NLGN1: variants seen among roughly 807,000 people sequenced by gnomAD.
NLGN1 encodes neuroligin 1.
A neutral mutation model predicts 65.5 loss-of-function variants in NLGN1; 12 were observed. The observed-to-expected ratio is 0.18, with a 90% CI of 0.12 to 0.30. The LOEUF (loss-of-function observed/expected upper bound fraction) is 0.30. Ranked by LOEUF, NLGN1 falls within the 10% of genes least tolerant of loss-of-function variation. The pLI is 1.00. For synonymous variants in NLGN1, 350 were observed against 359.5 expected, an observed-to-expected ratio of 0.97 and a Z score of 0.30; for missense variants, 750 against 1,007.1, an observed-to-expected ratio of 0.74 and a Z score of 3.46.
rs190261947 is a variant in NLGN1 at position 173,836,638 on chromosome 3, T to G, written c.646+28806T>G. Among the ~76,000 whole-genome samples the G allele has an allele frequency of 1.2e-4, 18 of 152,290 alleles. No homozygotes were observed. The East Asian group carries it at 3.3e-3, about 28-fold the overall frequency. ...TTGTTGATGTTGTTAGTTTCACACTTAAATGTGGTATTATGATTCCTGAAA... is the reference window on the plus strand; with the variant it reads ...TTGTTGATGTTGTTAGTTTCACACTGAAATGTGGTATTATGATTCCTGAAA... On this transcript the variant is annotated intron_variant, in intron 4 of 6. Coordinates refer to ENST00000457714, the Ensembl canonical transcript of NLGN1.
At chr3:174,131,679 A>G (rs1174031876) in intron 4 of NLGN1, among the ~76,000 whole-genome samples, 1 of 152,184 alleles carries the variant, frequency 6.6e-6, no homozygotes, top group Non-Finnish European at 1.5e-5. Context: ...CTTAGCATTG[A>G]AGGACTCAAA....
At chr3:173,489,769 T>G (rs1728795655) in intron 2 of NLGN1, among the ~76,000 whole-genome samples, 1 of 151,802 alleles carries the variant, frequency 6.6e-6, no homozygotes, top group Non-Finnish European at 1.5e-5. Context: ...TTTTTAATGA[T>G]TGCCATTCTA....
chr3:173,499,514 G>C (rs149945473), intron 2 of NLGN1, among the ~76,000 whole-genome samples: 2 of 151,772 alleles, frequency 1.3e-5, no homozygotes, highest in Admixed American at 6.6e-5. Context: ...GTTCTTTTGC[G>C]TTAGGATTGA....
intron 4 of NLGN1, among the ~76,000 whole-genome samples, chr3:173,958,371 C>T (rs567215250): frequency 3.3e-5 from 5 of 152,294 alleles, no homozygotes; most frequent in African/African-American, 9.6e-5. Context: ...GGTAGCTCAT[C>T]TCCACTGGCA....
intron 4 of NLGN1, among the ~76,000 whole-genome samples, chr3:174,051,124 T>G (rs1734745871): frequency 6.6e-6 from 1 of 152,090 alleles, no homozygotes. Flanking sequence ...GCTATTACAT[T>G]AAGAATTCTA....
chr3:174,101,953 T>C (rs1314290124), intron 4 of NLGN1, among the ~76,000 whole-genome samples: 1 of 152,152 alleles, frequency 6.6e-6, no homozygotes, highest in African/African-American at 2.4e-5. Flanking sequence ...GACATTTAAA[T>C]AGGGCTTCAG....
chr3:173,912,795 A>G (rs1739893249), intron 4 of NLGN1, among the ~76,000 whole-genome samples: 1 of 152,200 alleles, frequency 6.6e-6, no homozygotes, highest in African/African-American at 2.4e-5. Flanking sequence ...ACTTTATAAT[A>G]TTCTATCACT....
chr3:173,886,019 A>T (rs1734266585), intron 4 of NLGN1, among the ~76,000 whole-genome samples: 1 of 152,134 alleles, frequency 6.6e-6, no homozygotes, highest in Non-Finnish European at 1.5e-5. Flanking sequence ...TTGTTTCAAC[A>T]TTATTTAAAA....
intron 4 of NLGN1, among the ~76,000 whole-genome samples, chr3:173,857,995 A>G (rs1728322089): frequency 1.4e-5 from 2 of 139,368 alleles, no homozygotes; most frequent in African/African-American, 2.7e-5. Flanking sequence ...TTAAAAAATT[A>G]CTAAGTGAAC....
intron 4 of NLGN1, among the ~76,000 whole-genome samples, chr3:174,018,243 A>C (rs1028879137): frequency 7.2e-5 from 11 of 152,072 alleles, no homozygotes; most frequent in Non-Finnish European, 2.9e-5. Flanking sequence ...TTCTTTTTTC[A>C]AGGTGCCCAC....
intron 4 of NLGN1, among the ~76,000 whole-genome samples, chr3:174,267,003 A>C (rs1297818002): frequency 6.6e-6 from 1 of 152,152 alleles, no homozygotes; most frequent in African/African-American, 2.4e-5. Flanking sequence ...CCCCCTGCAT[A>C]CTAAAAACAT....
At chr3:173,846,770 T>G (rs2150711830) in intron 4 of NLGN1, among the ~76,000 whole-genome samples, 1 of 152,328 alleles carries the variant, frequency 6.6e-6, no homozygotes, top group East Asian at 1.9e-4. Context: ...GCTTACAGTA[T>G]TCACTCCAGT....
intron 4 of NLGN1, among the ~76,000 whole-genome samples, chr3:174,059,233 G>A (rs746043272): frequency 5.3e-5 from 8 of 152,080 alleles, no homozygotes; most frequent in Non-Finnish European, 1.0e-4. Context: ...TCCTGGGCTA[G>A]CCTAGCTAGT....
chr3:173,781,158 T>TAAAAAAAAAAAAA (rs1781092403), intron 3 of NLGN1, among the ~76,000 whole-genome samples: 3 of 60,228 alleles, frequency 5.0e-5, no homozygotes, highest in African/African-American at 6.6e-5. Context: ...AAAAAAAAAG[T>TAAAAAAAAAAAAA]AAATATTGAA....
intron 3 of NLGN1, among the ~76,000 whole-genome samples, chr3:173,693,813 G>A (rs368417458): frequency 3.4e-4 from 52 of 152,100 alleles, no homozygotes; most frequent in African/African-American, 1.0e-3. Context: ...ATTTTGGGTC[G>A]CTGAAGTATC....
At chr3:173,752,954 T>G (rs993899048) in intron 3 of NLGN1, among the ~76,000 whole-genome samples, 3 of 152,098 alleles carry the variant, frequency 2.0e-5, no homozygotes, top group African/African-American at 7.2e-5. Flanking sequence ...TCCCTTCCCT[T>G]ATACTCCAAG....
chr3:173,862,398 T>C (rs1296572229), intron 4 of NLGN1, among the ~76,000 whole-genome samples: 2 of 142,928 alleles, frequency 1.4e-5, no homozygotes, highest in Non-Finnish European at 3.0e-5. Flanking sequence ...CCCAGCTACT[T>C]GGGAGGCTGA....
chr3:174,236,081 A>T (rs1020653145), intron 4 of NLGN1, among the ~76,000 whole-genome samples: 2 of 152,172 alleles, frequency 1.3e-5, no homozygotes, highest in Non-Finnish European at 2.9e-5. Context: ...GGTCCTCAAT[A>T]AATATCAATA....
intron 4 of NLGN1, among the ~76,000 whole-genome samples, chr3:174,176,418 T>G (rs899688928): frequency 6.6e-6 from 1 of 152,012 alleles, no homozygotes; most frequent in Non-Finnish European, 1.5e-5. Flanking sequence ...GTGGTATTTT[T>G]AAAAGTTCCA....
Sources: gnomAD v4.1 joint callset for allele counts (sites outside exome capture counted in the v4.1 genomes callset) on GRCh38, gnomAD v4.1.1 for gene constraint, MANE v1.5 for transcripts, NCBI Gene and HGNC (gene_info 2026-07-23, HGNC 2026-07-21) for gene names.